RGS7: variants seen among roughly 807,000 people sequenced by gnomAD.
The protein encoded by RGS7 is regulator of G-protein signaling 7.
Under a neutral mutation model 81.1 loss-of-function variants are expected in RGS7, and 27 were observed. The ratio of observed to expected loss-of-function variants is 0.33; its 90% confidence interval spans 0.25 to 0.46. The LOEUF (loss-of-function observed/expected upper bound fraction) is 0.46, where lower values mean the gene tolerates loss of function less well. Among genes scored for constraint, RGS7 ranks in the 20% least tolerant of loss-of-function variants. The probability of loss-of-function intolerance (pLI) is 1.00; values close to 1 mark genes in which losing one functional copy is unlikely to be tolerated. For synonymous variants in RGS7, 208 were observed against 207.7 expected (o/e 1.00, Z -0.01); for missense variants, 396 against 607.4 (o/e 0.65, Z 3.66).
chr1:241,120,621 C>T (rs1322963992), intron 2 of RGS7, among the ~76,000 whole-genome samples: 1 of 152,184 alleles, frequency 6.6e-6, no homozygotes, highest in Non-Finnish European at 1.5e-5. Context: ...GTGGGAATTA[C>T]AGGCATGAGC....
intron 3 of RGS7, among the ~76,000 whole-genome samples, chr1:241,057,740 T>C (rs113951640): frequency 0.039 from 5,946 of 152,142 alleles, 127 homozygotes; most frequent in Middle Eastern, 0.061. Flanking sequence ...TGAAACCCCG[T>C]CTCTACTAAA....
intron 4 of RGS7, among the ~76,000 whole-genome samples, chr1:240,964,840 T>A (rs1038751052): frequency 6.6e-6 from 1 of 152,194 alleles, no homozygotes; most frequent in Non-Finnish European, 1.5e-5. Context: ...CAAATCTATT[T>A]TTTAAAGAGG....
intron 6 of RGS7, among the ~76,000 whole-genome samples, chr1:240,893,444 C>T (rs1668573011): frequency 1.3e-5 from 2 of 152,144 alleles, no homozygotes; most frequent in South Asian, 4.2e-4. Flanking sequence ...ATTCATTTAG[C>T]TTATGTTAAA....
At chr1:241,227,697 G>T (rs1372264884) in intron 2 of RGS7, among the ~76,000 whole-genome samples, 1 of 141,006 alleles carries the variant, frequency 7.1e-6, no homozygotes, top group Non-Finnish European at 1.6e-5. Flanking sequence ...AGCCATGATT[G>T]CTCCACTACA....
intron 18 of RGS7, among the ~76,000 whole-genome samples, chr1:240,793,605 ATATATAT>A (rs1293150329): frequency 9.1e-5 from 3 of 32,894 alleles, no homozygotes; most frequent in African/African-American, 3.5e-4. Context: ...ATATATATAT[ATATATAT>A]TTTTTTTTTT....
intron 3 of RGS7, among the ~76,000 whole-genome samples, chr1:240,989,647 C>T (rs534699100): frequency 2.6e-5 from 4 of 152,076 alleles, no homozygotes; most frequent in East Asian, 3.9e-4. Context: ...TTGACTTGTT[C>T]GACTATAGGC....
rs181610254 is a variant in RGS7 at position 241,332,547 on chromosome 1, G to A, written c.78+23152C>T. 1.1e-3 allele frequency among the ~76,000 whole-genome samples: 166 copies of A among 152,292 alleles called. 1 individual carries two copies. Among genetic ancestry groups the A allele is most frequent in the African/African-American group, 2.9e-3 (121 of 41,560 alleles). Reference sequence around the variant, plus strand: ...AGAGAGGGAGAAAATTCTGGCATGCGGGAGAGGGAGGACTGAATGAGACAA... The same window carrying A: ...AGAGAGGGAGAAAATTCTGGCATGCAGGAGAGGGAGGACTGAATGAGACAA... On this transcript the variant is annotated intron_variant, in intron 2 of 18. Coordinates refer to ENST00000440928, the MANE Select transcript of RGS7 (RefSeq NM_001364886.1).
intron 4 of RGS7, among the ~76,000 whole-genome samples, chr1:240,951,994 G>C (rs973104110): frequency 2.0e-5 from 3 of 152,034 alleles, no homozygotes; most frequent in Non-Finnish European, 4.4e-5. Context: ...GTAAAGTGTT[G>C]AAGGAAGAAA....
At chr1:241,081,492 G>T (rs1168507862) in intron 3 of RGS7, among the ~76,000 whole-genome samples, 1 of 152,194 alleles carries the variant, frequency 6.6e-6, no homozygotes, top group African/African-American at 2.4e-5. Context: ...GCCTATTTGG[G>T]GTAGAAATGT....
At chr1:240,822,388 G>T (rs1691961324) in intron 10 of RGS7, among the ~76,000 whole-genome samples, 1 of 152,172 alleles carries the variant, frequency 6.6e-6, no homozygotes, top group African/African-American at 2.4e-5. Context: ...AATTGAAGCA[G>T]CTCTGTACGA....
At chr1:240,789,525 T>A (rs1220796226) in intron 18 of RGS7, among the ~76,000 whole-genome samples, 1 of 152,142 alleles carries the variant, frequency 6.6e-6, no homozygotes, top group African/African-American at 2.4e-5. Context: ...GCAAGGAACA[T>A]CCCTGAGAAA....
intron 2 of RGS7, among the ~76,000 whole-genome samples, chr1:241,280,160 A>G (rs1283452546): frequency 6.6e-6 from 1 of 152,228 alleles, no homozygotes; most frequent in East Asian, 1.9e-4. Flanking sequence ...CTCTAATCCA[A>G]TGTGACTGGT....
At chr1:240,807,198 G>A (rs907471408) in intron 14 of RGS7, among the ~76,000 whole-genome samples, 4 of 152,130 alleles carry the variant, frequency 2.6e-5, no homozygotes, top group Admixed American at 6.5e-5. Flanking sequence ...TGTATTAATC[G>A]GTTGCATTTC....
intron 3 of RGS7, among the ~76,000 whole-genome samples, chr1:241,052,527 A>C (rs1421814372): frequency 6.6e-6 from 1 of 151,874 alleles, no homozygotes; most frequent in East Asian, 1.9e-4. Context: ...GCCATAATAC[A>C]CTCTGGAATG....
intron 2 of RGS7, among the ~76,000 whole-genome samples, chr1:241,250,754 T>C (rs1212262883): frequency 1.3e-5 from 2 of 152,208 alleles, no homozygotes; most frequent in African/African-American, 2.4e-5. Context: ...GTAACAAATA[T>C]AAAATCTGAT....
intron 3 of RGS7, among the ~76,000 whole-genome samples, chr1:241,066,239 A>C (rs2062055119): frequency 6.6e-6 from 1 of 152,152 alleles, no homozygotes; most frequent in Admixed American, 6.5e-5. Flanking sequence ...GTCTATATGC[A>C]AGAATGGATG....
intron 2 of RGS7, among the ~76,000 whole-genome samples, chr1:241,264,458 C>T (rs1338156956): frequency 6.6e-6 from 1 of 152,066 alleles, no homozygotes; most frequent in Non-Finnish European, 1.5e-5. Flanking sequence ...GACAGTGCCT[C>T]TGCACTCCAG....
intron 5 of RGS7, among the ~76,000 whole-genome samples, chr1:240,934,708 A>G (rs149214626): frequency 1.9e-3 from 293 of 152,104 alleles, no homozygotes; most frequent in African/African-American, 6.6e-3. Flanking sequence ...AGTTTATTTT[A>G]TATCTGCCTA....
chr1:241,152,547 C>G (rs2068831872), intron 2 of RGS7, among the ~76,000 whole-genome samples: 1 of 152,192 alleles, frequency 6.6e-6, no homozygotes, highest in Non-Finnish European at 1.5e-5. Context: ...AGGCGTAGGT[C>G]TTGCTGACTC....
Sources: gnomAD v4.1 joint callset for allele counts (sites outside exome capture counted in the v4.1 genomes callset) on GRCh38, gnomAD v4.1.1 for gene constraint, MANE v1.5 for transcripts, NCBI Gene and HGNC (gene_info 2026-07-23, HGNC 2026-07-21) for gene names.